TEX35: variants seen among roughly 807,000 people sequenced by gnomAD.
TEX35 encodes testis-expressed protein 35.
In TEX35, 26 loss-of-function variants were observed where a neutral mutation model predicts 31.9. The observed-to-expected ratio is 0.81, with a 90% CI of 0.60 to 1.13. TEX35 has a LOEUF of 1.13. TEX35 is among the 50% of genes most tolerant of loss of function. The pLI is 0.00. For synonymous variants in TEX35, 87 were observed against 90.7 expected, an observed-to-expected ratio of 0.96 and a Z score of 0.23; for missense variants, 278 against 273.5, an observed-to-expected ratio of 1.02 and a Z score of -0.12.
intron 7 of TEX35, 91 bp downstream of exon 7, chr1:178,520,965 T>G: frequency 6.3e-7 from 1 of 1,575,670 alleles, no homozygotes; most frequent in East Asian, 2.3e-5. Flanking sequence ...TGTATCATAG[T>G]GAAGGGACAG....
chr1:178,519,305 A>C (rs1650184920), intron 5 of TEX35, among the ~76,000 whole-genome samples: 1 of 152,226 alleles, frequency 6.6e-6, no homozygotes, highest in South Asian at 2.1e-4. Context: ...CCGTGATGAC[A>C]CCAAATTTTA....
At position 178,522,369 on chromosome 1, in the gene TEX35, G is replaced by A. The variant is rs1045094284; in HGVS notation, c.631G>A (p.Glu211Lys). The A allele has an allele frequency of 1.2e-6, 2 of 1,606,868 alleles. No homozygotes were observed. Among genetic ancestry groups the A allele is most frequent in the African/African-American group, 2.7e-5 (2 of 74,868 alleles). ...EASGLYKGGE[E>K]PVTTQPSVGH... The stretch of plus-strand genomic sequence containing the variant: ...CTCAGGCCTTTACAAAGGTGGAGAG[G>A]AGCCAGTGACCACCCAACCTTCTGT... Residue 211 changes from glutamate (E) to lysine (K), a missense_variant, in exon 9 of 9, where the codon GAG (glutamate) becomes AAG (lysine). Glu to Lys is a moderately conservative substitution (Grantham distance 56, BLOSUM62 1). Transcript: ENST00000319416.
chr1:178,522,320 C>A lies in TEX35; in HGVS notation c.587-5C>A, dbSNP rs765948730. ...GGTTTCCTCTCCCTCCCTCCACCCC[C>A]AAAGGGAACATTCCTTCAGAGGCCT... On this transcript the variant is annotated splice_polypyrimidine_tract_variant and splice_region_variant and intron_variant, in intron 8 of 8. Transcript: ENST00000319416. 7.6e-6 allele frequency: 12 copies of A among 1,587,288 alleles called. No individual in the cohort carries two copies. Among genetic ancestry groups the A allele is most frequent in the Non-Finnish European group, 1.0e-5 (12 of 1,165,056 alleles).
rs2101892797 is a variant in TEX35 at position 178,514,016 on chromosome 1, T to C, written c.40-11T>C. The C allele has an allele frequency of 3.7e-6, 6 of 1,613,726 alleles. No homozygotes were observed. The highest frequency in any genetic ancestry group is 5.1e-6 in the Non-Finnish European group (6 of 1,179,838). On this transcript the variant is annotated splice_polypyrimidine_tract_variant and intron_variant, in intron 1 of 8. Transcript: ENST00000319416. Reference sequence around the variant, plus strand: ...TCTGCCAGCCTGAATCTCAGTCTCCTCTTTTTGCAGAGCAAGAACTACAAG... The same window carrying C: ...TCTGCCAGCCTGAATCTCAGTCTCCCCTTTTTGCAGAGCAAGAACTACAAG...
intron 4 of TEX35, 25 bp downstream of exon 4, chr1:178,515,940 C>T (rs766531278): frequency 2.5e-6 from 4 of 1,569,058 alleles, no homozygotes; most frequent in Middle Eastern, 1.7e-4. Flanking sequence ...CCTTCCATAT[C>T]ATGGAGGGAA....
At chr1:178,522,085 T>G (rs1257091610) in intron 8 of TEX35, 1 of 660,790 alleles carries the variant, frequency 1.5e-6, no homozygotes, top group Non-Finnish European at 2.5e-6. Flanking sequence ...CCCTGCTGCC[T>G]GGCCCATCCG....
chr1:178,521,780 A>G (rs1650294968), intron 8 of TEX35: 1 of 1,550,070 alleles, frequency 6.5e-7, no homozygotes, highest in Non-Finnish European at 8.7e-7. Context: ...CCAGGCCTCC[A>G]CTGGAGATTA....
At chr1:178,516,471 G>T in intron 4 of TEX35, 144 bp from the exon 5 acceptor site, 4 of 652,016 alleles carry the variant, frequency 6.1e-6, no homozygotes, top group Non-Finnish European at 8.1e-6. Flanking sequence ...GACTCCTTGA[G>T]AAGAAAGTGG....
Position 178,522,551 on chromosome 1 carries a change from A to G in TEX35, c.*111A>G. The G allele has an allele frequency of 1.5e-6, 2 of 1,327,610 alleles. No individual in the cohort carries two copies. Among genetic ancestry groups the G allele is most frequent in the Admixed American group, 6.2e-5 (2 of 32,436 alleles). 82.2% of individuals were successfully genotyped at this position (1,327,610 alleles called of 1,614,324 possible). ...TTGGCTTCAATTTGAAGGACGAGGA[A>G]TGATGGGATTTCATATTTTATTTCA... is the stretch of plus-strand genomic sequence containing the variant. On this transcript the variant is annotated 3_prime_UTR_variant, in exon 9 of 9. Coordinates refer to ENST00000319416, the MANE Select transcript of TEX35 (RefSeq NM_032126.5).
In TEX35 at chr1:178,520,894, A is replaced by T. The variant is rs772552558; in HGVS notation, c.543+20A>T. ...TGCTGCGTAAGTGAAACCCTGCCCG[A>T]GCCCAGCACTGGTGCCAGACCCCTG... On this transcript the variant is annotated intron_variant, in intron 7 of 8. Transcript: ENST00000319416. 1 of 1,613,244 alleles carries T rather than the reference A, an allele frequency of 6.2e-7. No homozygotes were observed. The highest frequency in any genetic ancestry group is 8.5e-7 in the Non-Finnish European group (1 of 1,179,788).
intron 4 of TEX35, among the ~76,000 whole-genome samples, 194 bp downstream of exon 4, chr1:178,516,109 T>C (rs1650066390): frequency 6.6e-6 from 1 of 152,252 alleles, no homozygotes; most frequent in South Asian, 2.1e-4. Context: ...TTTGAGTGAC[T>C]GAGGACTCCC....
chr1:178,518,878 A>G (rs1650171382), intron 5 of TEX35, among the ~76,000 whole-genome samples: 1 of 151,916 alleles, frequency 6.6e-6, no homozygotes, highest in South Asian at 2.1e-4. Flanking sequence ...AGGCAGGAGG[A>G]GTATGTTGTA....
intron 5 of TEX35, 58 bp downstream of exon 5, chr1:178,516,732 G>A (rs1650093553): frequency 8.3e-7 from 1 of 1,207,508 alleles, no homozygotes; most frequent in Non-Finnish European, 1.2e-6. Flanking sequence ...CTGTGGAAGA[G>A]ACACCAGCAG....
At position 178,513,173 on chromosome 1, in the gene TEX35, C is replaced by G; in HGVS notation, c.-16C>G. ...GCTGTTGTGGGGAGTTGAAGAACAC[C>G]CTGGCCTCCTCCATCATGTCGGCCA... On this transcript the variant is annotated 5_prime_UTR_variant, in exon 1 of 9. Transcript: ENST00000319416. 1 of 1,614,008 alleles carries G rather than the reference C, an allele frequency of 6.2e-7. No individual in the cohort carries two copies. Among genetic ancestry groups the G allele is most frequent in the Non-Finnish European group, 8.5e-7 (1 of 1,180,010 alleles).
Position 178,521,244 on chromosome 1 carries a change from T to C in TEX35, c.566T>C (p.Leu189Pro). Reference protein sequence around the residue: ...TCCEKCLLCALKNNYNRGNIP... With the variant: ...TCCEKCLLCAPKNNYNRGNIP... ...CAGGAGAAATGTTTGTTGTGTGCTC[T>C]AAAGAACAACTACAATCGGGGTAGG... Residue 189 changes from leucine (L) to proline (P), a missense_variant, in exon 8 of 9, where the codon CTA (leucine) becomes CCA (proline). Physicochemically the swap from Leu to Pro is moderately conservative, Grantham distance 98 (BLOSUM62 -3). Transcript: ENST00000319416. 6.2e-7 allele frequency: 1 copy of C among 1,614,256 alleles called. No homozygotes were observed. Among genetic ancestry groups the C allele is most frequent in the Non-Finnish European group, 8.5e-7 (1 of 1,180,050 alleles).
At chr1:178,513,939 G>T in intron 1 of TEX35, 88 bp from the exon 2 acceptor site, 1 of 1,481,634 alleles carries the variant, frequency 6.7e-7, no homozygotes. Context: ...GTGGGGGGCA[G>T]GGGGCAGGGT....
At chr1:178,513,296 G>A (rs766761597) in intron 1 of TEX35, 69 bp downstream of exon 1, 108 of 1,584,202 alleles carry the variant, frequency 6.8e-5, no homozygotes, top group Non-Finnish European at 8.7e-5. Context: ...ATGGTGTCGG[G>A]GCAAGGGATA....
chr1:178,513,400 G>A (rs1201078533), intron 1 of TEX35, 173 bp downstream of exon 1: 2 of 897,344 alleles, frequency 2.2e-6, no homozygotes, highest in South Asian at 1.6e-5. Context: ...TTAATCCCTA[G>A]CCTTGGGGGT....
intron 3 of TEX35, 77 bp from the exon 4 acceptor site, chr1:178,515,782 C>T (rs1302789626): frequency 8.5e-7 from 1 of 1,174,994 alleles, no homozygotes; most frequent in Non-Finnish European, 1.2e-6. Context: ...CAGGATCTTT[C>T]CTTTCCTCCT....
Sources: allele counts gnomAD v4.1 joint callset (sites outside exome capture counted in the v4.1 genomes callset), GRCh38; gene constraint gnomAD v4.1.1; transcripts MANE v1.5; gene names NCBI Gene and HGNC (gene_info 2026-07-23, HGNC 2026-07-21).